Variants in DPYD observed in about 807,000 individuals in gnomAD.
The protein encoded by DPYD is dihydropyrimidine dehydrogenase, also known as dihydropyrimidine dehydrogenase [NADP(+)].
Under a neutral mutation model 116.2 loss-of-function variants are expected in DPYD, and 109 were observed. That is an observed-to-expected ratio of 0.94 (90% CI 0.80 to 1.10). The LOEUF is 1.10. DPYD is among the 50% of genes least tolerant of loss of function. The probability of loss-of-function intolerance (pLI) is 0.00; values close to 1 mark genes in which losing one functional copy is unlikely to be tolerated. For missense variants in DPYD, 1,302 were observed against 1,254.5 expected (o/e 1.04, Z -0.57); for synonymous variants, 440 against 432.0 (o/e 1.02, Z -0.23).
chr1:97,809,660 G>A (rs998852036), intron 3 of DPYD, among the ~76,000 whole-genome samples: 1 of 152,130 alleles, frequency 6.6e-6, no homozygotes, highest in African/African-American at 2.4e-5. Context: ...GGAGATGCAG[G>A]ATAGCTGAGG....
intron 14 of DPYD, among the ~76,000 whole-genome samples, chr1:97,438,197 G>GT (rs1650102632): frequency 6.6e-6 from 1 of 151,778 alleles, no homozygotes; most frequent in South Asian, 2.1e-4. Context: ...CAATTGTTTT[G>GT]TAAGTCCTTT....
intron 13 of DPYD, among the ~76,000 whole-genome samples, chr1:97,482,296 T>TTCA (rs747966232): frequency 3.2e-4 from 48 of 152,318 alleles, no homozygotes; most frequent in Non-Finnish European, 5.9e-4. Context: ...TGAACACATA[T>TTCA]TCAATTACAT....
At chr1:97,709,447 G>C (rs1398182022) in intron 5 of DPYD, among the ~76,000 whole-genome samples, 3 of 151,410 alleles carry the variant, frequency 2.0e-5, no homozygotes, top group Non-Finnish European at 4.4e-5. Flanking sequence ...TGGGTACATA[G>C]TACATTCTTG....
At chr1:97,291,228 C>G (rs1003230688) in intron 18 of DPYD, among the ~76,000 whole-genome samples, 2 of 152,112 alleles carry the variant, frequency 1.3e-5, no homozygotes, top group African/African-American at 4.8e-5. Context: ...AACACTTTTA[C>G]ACTGTTGGTG....
chr1:97,852,841 A>G (rs1406039961), intron 2 of DPYD, among the ~76,000 whole-genome samples: 1 of 152,078 alleles, frequency 6.6e-6, no homozygotes, highest in African/African-American at 2.4e-5. Context: ...ACTCATACAC[A>G]TTTTCCTCAT....
At chr1:97,233,936 A>G (rs1661740988) in intron 19 of DPYD, among the ~76,000 whole-genome samples, 1 of 152,224 alleles carries the variant, frequency 6.6e-6, no homozygotes, top group South Asian at 2.1e-4. Context: ...TATTTCCACC[A>G]TAGATTGTAG....
rs1172728145 is a variant in DPYD at position 97,124,314 on chromosome 1, T to A, written c.2623-25682A>T. On this transcript the variant is annotated intron_variant, in intron 20 of 22. Transcript: ENST00000370192. ...CCTAATAAAATAATTCTCCTAACTC[T>A]TAGGTTATTTATTTCTTAATACTTT... Among the ~76,000 whole-genome samples, 3 of 152,082 alleles carry A rather than the reference T, an allele frequency of 2.0e-5. No individual in the cohort carries two copies. The East Asian group carries it at 5.8e-4, about 29-fold the overall frequency.
chr1:97,572,349 T>A (rs1425602442), intron 11 of DPYD, among the ~76,000 whole-genome samples: 1 of 151,898 alleles, frequency 6.6e-6, no homozygotes, highest in Non-Finnish European at 1.5e-5. Flanking sequence ...CACAAGCTTA[T>A]AAAATCGTAT....
At chr1:97,512,652 G>A (rs957076726) in intron 13 of DPYD, among the ~76,000 whole-genome samples, 1 of 151,804 alleles carries the variant, frequency 6.6e-6, no homozygotes, top group Non-Finnish European at 1.5e-5. Context: ...GTTATTTTAT[G>A]TGAAGTCCAA....
chr1:97,292,522 G>T (rs1261308725), intron 18 of DPYD, among the ~76,000 whole-genome samples: 1 of 152,130 alleles, frequency 6.6e-6, no homozygotes, highest in African/African-American at 2.4e-5. Context: ...CTGCCATTGG[G>T]TCCCTCCCAT....
chr1:97,336,219 T>G (rs753225949), intron 16 of DPYD, among the ~76,000 whole-genome samples: 7 of 152,188 alleles, frequency 4.6e-5, no homozygotes, highest in Non-Finnish European at 8.8e-5. Context: ...GGAGTGCCTC[T>G]TGAATTACAC....
intron 3 of DPYD, among the ~76,000 whole-genome samples, chr1:97,766,056 C>T (rs4970717): frequency 0.95 from 145,124 of 152,008 alleles, 69,632 homozygotes; most frequent in East Asian, 1. Context: ...CCAGCCTGAC[C>T]AACATGGAGA....
chr1:97,782,372 T>A (rs1001108341), intron 3 of DPYD, among the ~76,000 whole-genome samples: 1 of 152,198 alleles, frequency 6.6e-6, no homozygotes, highest in African/African-American at 2.4e-5. Context: ...GACAGCTGTC[T>A]TTGCAGCACA....
At chr1:97,505,348 A>G (rs1171563380) in intron 13 of DPYD, among the ~76,000 whole-genome samples, 1 of 151,968 alleles carries the variant, frequency 6.6e-6, no homozygotes, top group Non-Finnish European at 1.5e-5. Context: ...TTCATGAGAC[A>G]TTATGCTGCA....
At chr1:97,230,250 T>TA (rs751414703) in intron 19 of DPYD, among the ~76,000 whole-genome samples, 83 of 152,284 alleles carry the variant, frequency 5.5e-4, no homozygotes, top group Admixed American at 1.6e-3. Context: ...CCATCAATGA[T>TA]AGACTGGATA....
At chr1:97,868,529 C>T (rs1055528452) in intron 2 of DPYD, among the ~76,000 whole-genome samples, 2 of 151,768 alleles carry the variant, frequency 1.3e-5, no homozygotes, top group Non-Finnish European at 2.9e-5. Context: ...ACTTAGTGAG[C>T]ATTTACCATG....
At chr1:97,589,304 C>CA (rs1654353306) in intron 10 of DPYD, among the ~76,000 whole-genome samples, 1 of 152,202 alleles carries the variant, frequency 6.6e-6, no homozygotes, top group Admixed American at 6.5e-5. Flanking sequence ...CCACTCAATT[C>CA]TCATTTTGAA....
At chr1:97,591,996 G>A (rs1654554208) in intron 10 of DPYD, among the ~76,000 whole-genome samples, 1 of 152,046 alleles carries the variant, frequency 6.6e-6, no homozygotes, top group Non-Finnish European at 1.5e-5. Flanking sequence ...AATAAACGTG[G>A]AATTTGAAAC....
chr1:97,400,903 C>T (rs983659036), intron 14 of DPYD, among the ~76,000 whole-genome samples: 1 of 152,020 alleles, frequency 6.6e-6, no homozygotes, highest in African/African-American at 2.4e-5. Context: ...TGTCTTCTAA[C>T]GTGATCAAAT....
Sources: allele counts gnomAD v4.1 joint callset (sites outside exome capture counted in the v4.1 genomes callset), GRCh38; gene constraint gnomAD v4.1.1; transcripts MANE v1.5; gene names NCBI Gene and HGNC (gene_info 2026-07-23, HGNC 2026-07-21).